Variants in PELI2 observed in about 807,000 individuals in gnomAD.
PELI2 encodes pellino E3 ubiquitin protein ligase family member 2.
In PELI2, 23 loss-of-function variants were observed where a neutral mutation model predicts 42.3. That is an observed-to-expected ratio of 0.54 (90% CI 0.39 to 0.77). The LOEUF (loss-of-function observed/expected upper bound fraction) is 0.77, where lower values mean the gene tolerates loss of function less well. Ranked by LOEUF, PELI2 falls within the 30% of genes least tolerant of loss-of-function variation. PELI2 has a pLI of 0.00. For synonymous variants in PELI2, 245 were observed against 212.2 expected (o/e 1.15, Z -1.34); for missense variants, 463 against 553.2 (o/e 0.84, Z 1.64).
chr14:56,265,286 A>G (rs935164592), intron 2 of PELI2, among the ~76,000 whole-genome samples: 2 of 152,144 alleles, frequency 1.3e-5, no homozygotes, highest in African/African-American at 2.4e-5. Context: ...GTAAAGATAG[A>G]TAAATAGATC....
In PELI2 at chr14:56,297,058, G is replaced by A. The variant is rs760905362; in HGVS notation, c.1155G>A (p.Pro385=). ...CTGCAAAATACTGGTCTCAGATCCC[G>A]TTGCCTCATGGAACTCATGCATTTC... The part of the protein sequence containing the change: ...EKSAKYWSQI[P]LPHGTHAFHA... Residue 385 remains proline (P), a synonymous_variant, in exon 6 of 6, where the codon CCG becomes CCA. Transcript: ENST00000267460. 166 of 1,613,092 alleles carry A rather than the reference G, an allele frequency of 1.0e-4. 4 individuals carry two copies. In the South Asian group the frequency reaches 1.5e-3, roughly 15 times the overall value.
intron 2 of PELI2, among the ~76,000 whole-genome samples, chr14:56,193,075 T>C (rs1194557918): frequency 1.3e-5 from 2 of 152,238 alleles, no homozygotes; most frequent in South Asian, 2.1e-4. Context: ...GCAGAAACCA[T>C]TGCTTTAAAT....
At chr14:56,247,573 G>T (rs547662696) in intron 2 of PELI2, among the ~76,000 whole-genome samples, 19 of 152,228 alleles carry the variant, frequency 1.2e-4, no homozygotes, top group Non-Finnish European at 2.6e-4. Context: ...CCTGTCATCA[G>T]TGGATTCACT....
chr14:56,153,968 C>T (rs1478516275), intron 1 of PELI2, among the ~76,000 whole-genome samples: 1 of 151,872 alleles, frequency 6.6e-6, no homozygotes, highest in Non-Finnish European at 1.5e-5. Context: ...TAATACTGTA[C>T]CATTAGAAAT....
chr14:56,290,187 A>T, intron 4 of PELI2, 81 bp from the exon 5 acceptor site: 1 of 1,094,814 alleles, frequency 9.1e-7, no homozygotes, highest in South Asian at 1.9e-5. Context: ...CCTCTATGCA[A>T]TGTATTAAAG....
intron 2 of PELI2, among the ~76,000 whole-genome samples, chr14:56,235,479 G>T (rs1310737768): frequency 6.6e-6 from 1 of 152,182 alleles, no homozygotes; most frequent in Admixed American, 6.5e-5. Flanking sequence ...ACGCTAACGG[G>T]TGGCATCTTT....
At chr14:56,136,493 C>A (rs2139596228) in intron 1 of PELI2, among the ~76,000 whole-genome samples, 1 of 152,216 alleles carries the variant, frequency 6.6e-6, no homozygotes, top group South Asian at 2.1e-4. Flanking sequence ...GACCAGAAAG[C>A]AAAGCTGGAG....
At chr14:56,195,229 C>T (rs958904963) in intron 2 of PELI2, among the ~76,000 whole-genome samples, 1 of 152,222 alleles carries the variant, frequency 6.6e-6, no homozygotes, top group Non-Finnish European at 1.5e-5. Context: ...CCCCAACCCC[C>T]TTCAAAAGCA....
chr14:56,124,199 C>T (rs1177142755), intron 1 of PELI2, among the ~76,000 whole-genome samples: 1 of 152,186 alleles, frequency 6.6e-6, no homozygotes, highest in African/African-American at 2.4e-5. Context: ...GTCTAAATCA[C>T]CTGTTCTCAA....
At chr14:56,267,363 G>T (rs1047541864) in intron 2 of PELI2, among the ~76,000 whole-genome samples, 70 of 152,098 alleles carry the variant, frequency 4.6e-4, no homozygotes, top group African/African-American at 1.6e-3. Flanking sequence ...ATAGATTCAG[G>T]GTATGGCCTA....
intron 2 of PELI2, among the ~76,000 whole-genome samples, chr14:56,209,007 A>T: frequency 6.6e-6 from 1 of 152,214 alleles, no homozygotes; most frequent in East Asian, 1.9e-4. Flanking sequence ...AATACTTAAT[A>T]TTTTTCTGAT....
In PELI2 at chr14:56,288,625, A is replaced by G; in HGVS notation, c.498A>G (p.Ile166Met). 3 of 1,609,840 alleles carry G rather than the reference A, an allele frequency of 1.9e-6. No individual in the cohort carries two copies. The highest frequency in any genetic ancestry group is 2.2e-5 in the South Asian group (2 of 90,702). The change falls in exon 4 of 6, where the codon ATA (isoleucine) becomes ATG (methionine). Residue 166 changes from isoleucine (I) to methionine (M), a missense_variant. Physicochemically the swap from Ile to Met is conservative, Grantham distance 10. Around this residue, in one of 3 missense-constraint regions of PELI2, gnomAD observed 343 missense variants for 378.4 expected, o/e 0.91. Transcript: ENST00000267460. The surrounding 1 kb of genome is among the most constrained non-coding windows in gnomAD (Gnocchi z 4.6). ...FAAGFDSSKN[I>M]FLGEKAAKWK... ...CCGGATTTGACTCTTCCAAAAACAT[A>G]TTTCTTGGAGTAAGTACTGTCAAGA... is the stretch of plus-strand genomic sequence containing the variant.
chr14:56,251,509 C>T (rs1462792872), intron 2 of PELI2, among the ~76,000 whole-genome samples: 3 of 152,142 alleles, frequency 2.0e-5, no homozygotes, highest in Non-Finnish European at 2.9e-5. Flanking sequence ...ATCCTTGCAG[C>T]AGTTCGTTAT....
intron 3 of PELI2, 59 bp downstream of exon 3, chr14:56,279,836 T>G: frequency 1.2e-6 from 1 of 828,486 alleles, no homozygotes; most frequent in Non-Finnish European, 2.0e-6. Context: ...TCTCTATTTT[T>G]TATATGTAAT....
intron 2 of PELI2, among the ~76,000 whole-genome samples, chr14:56,211,430 T>C (rs961319968): frequency 6.6e-6 from 1 of 152,240 alleles, no homozygotes; most frequent in African/African-American, 2.4e-5. Context: ...TCCCCCATCA[T>C]GTACTAGCTG....
chr14:56,227,559 CAT>C (rs1887402148), intron 2 of PELI2, among the ~76,000 whole-genome samples: 1 of 152,174 alleles, frequency 6.6e-6, no homozygotes. Flanking sequence ...TACGTGCAGA[CAT>C]AGAAATAAGT....
chr14:56,287,833 A>G (rs373279875), intron 3 of PELI2, among the ~76,000 whole-genome samples: 17 of 152,374 alleles, frequency 1.1e-4, no homozygotes, highest in African/African-American at 4.1e-4. Context: ...AAAATGTATT[A>G]CATTGCCTAG....
chr14:56,280,490 A>G (rs190353562), intron 3 of PELI2, among the ~76,000 whole-genome samples: 63 of 152,256 alleles, frequency 4.1e-4, no homozygotes, highest in African/African-American at 1.5e-3. Context: ...AATTTAGACT[A>G]ATAACAGAAA....
At chr14:56,241,818 G>C (rs866592317) in intron 2 of PELI2, among the ~76,000 whole-genome samples, 7 of 152,124 alleles carry the variant, frequency 4.6e-5, no homozygotes, top group African/African-American at 1.4e-4. Context: ...GTTCCAGCCT[G>C]GTTCTGTACT....
Sources: allele counts gnomAD v4.1 joint callset (sites outside exome capture counted in the v4.1 genomes callset), GRCh38; gene constraint gnomAD v4.1.1; regional missense constraint gnomAD v4.1.1; non-coding constraint Gnocchi (gnomAD v3.1); transcripts MANE v1.5; gene names NCBI Gene and HGNC (gene_info 2026-07-23, HGNC 2026-07-21).